Variants in CLU observed in about 807,000 individuals in gnomAD.
CLU encodes clusterin.
Under a neutral mutation model 46.4 loss-of-function variants are expected in CLU, and 25 were observed. That is an observed-to-expected ratio of 0.54 (90% CI 0.39 to 0.75). The LOEUF (loss-of-function observed/expected upper bound fraction) is 0.75. Ranked by LOEUF, CLU falls within the 30% of genes least tolerant of loss-of-function variation. The pLI is 0.00. For missense variants in CLU, 504 were observed against 592.1 expected (o/e 0.85, Z 1.54); for synonymous variants, 235 against 235.1 (o/e 1.00, Z 0.00).
intron 3 of CLU, 21 bp from the exon 4 acceptor site, chr8:27,606,545 G>A: frequency 1.2e-6 from 2 of 1,613,894 alleles, no homozygotes; most frequent in South Asian, 2.2e-5. Context: ...ACACAAGGCT[G>A]GCTGAGCCAC....
At chr8:27,605,378 G>T (rs1402785945) in intron 4 of CLU, 43 bp from the exon 5 acceptor site, 1 of 1,609,820 alleles carries the variant, frequency 6.2e-7, no homozygotes, top group Non-Finnish European at 8.5e-7. Context: ...AGCTCACCAA[G>T]GCCACGGCCT....
intron 6 of CLU, 66 bp from the exon 7 acceptor site, chr8:27,600,075 T>G: frequency 8.0e-7 from 1 of 1,248,382 alleles, no homozygotes; most frequent in South Asian, 1.2e-5. Flanking sequence ...GATAGAACCA[T>G]GAATGAATGG....
intron 1 of CLU, 86 bp from the exon 2 acceptor site, chr8:27,610,686 G>A (rs1473482294): frequency 1.0e-6 from 1 of 975,188 alleles, no homozygotes; most frequent in Non-Finnish European, 1.6e-6. Flanking sequence ...GCTCCCCAGG[G>A]CCTCACTGCC....
intron 2 of CLU, among the ~76,000 whole-genome samples, chr8:27,610,195 A>T (rs564240573): frequency 3.3e-5 from 5 of 152,284 alleles, no homozygotes; most frequent in South Asian, 2.1e-4. Flanking sequence ...GAGCTGGGCT[A>T]AGGGGCCTGG....
Position 27,610,482 on chromosome 8 carries a change from C to T in CLU, c.90G>A (p.Glu30=). The T allele has an allele frequency of 1.9e-6, 3 of 1,613,710 alleles. No homozygotes were observed. The highest frequency in any genetic ancestry group is 2.5e-6 in the Non-Finnish European group (3 of 1,179,584). ...CATGCTTGGTCTACTCACCCTGGAGCTCATTGTCTGAGACCGTCTGGTCCC... is the reference window on the plus strand; with the variant it reads ...CATGCTTGGTCTACTCACCCTGGAGTTCATTGTCTGAGACCGTCTGGTCCC... ...VLGDQTVSDN[E]LQEMSNQGSK... The change falls in exon 2 of 9, where the codon GAG becomes GAA. Residue 30 remains glutamate (E), a synonymous_variant. Transcript: ENST00000316403.
chr8:27,608,845 C>A, intron 3 of CLU, 93 bp downstream of exon 3: 2 of 1,407,806 alleles, frequency 1.4e-6, no homozygotes, highest in Non-Finnish European at 2.0e-6. Flanking sequence ...CTGCGGGTCA[C>A]CATGGCAACC....
chr8:27,608,007 A>G (rs1800852674), intron 3 of CLU, among the ~76,000 whole-genome samples: 1 of 152,218 alleles, frequency 6.6e-6, no homozygotes. Flanking sequence ...AGTGATAACC[A>G]CAAAAATGTG....
rs9331898 is a variant in CLU at position 27,609,061 on chromosome 8, G to A, written c.123C>T (p.Tyr41=). The A allele has an allele frequency of 5.2e-4, 838 of 1,614,014 alleles. 3 individuals are homozygous for A. In the African/African-American group the frequency reaches 9.7e-3, roughly 19 times the overall value. ...LQEMSNQGSK[Y]VNKEIQNAVN... ...CAGCATTTTGAATTTCCTTATTGACGTACTTACTTCCCTGATTGGACATTT... is the reference window on the plus strand; with the variant it reads ...CAGCATTTTGAATTTCCTTATTGACATACTTACTTCCCTGATTGGACATTT... The change falls in exon 3 of 9, where the codon TAC becomes TAT. Residue 41 remains tyrosine (Y), a synonymous_variant. Transcript: ENST00000316403.
rs1368166154 is a variant in CLU at position 27,614,691 on chromosome 8, G to A, written c.-66C>T. ...ACCCTGTGCCCGCGCGCTCCTCCTGGCGACGCCGCGTTGTGGGCACTGGGA... is the reference window on the plus strand; with the variant it reads ...ACCCTGTGCCCGCGCGCTCCTCCTGACGACGCCGCGTTGTGGGCACTGGGA... On this transcript the variant is annotated 5_prime_UTR_variant, in exon 1 of 9. Coordinates refer to ENST00000316403, the MANE Select transcript of CLU (RefSeq NM_001831.4). 1.9e-6 allele frequency: 1 copy of A among 533,256 alleles called. No individual in the cohort carries two copies. The highest frequency in any genetic ancestry group is 1.9e-5 in the Admixed American group (1 of 51,560). 33.0% of individuals were successfully genotyped at this position (533,256 alleles called of 1,614,324 possible). A position where few individuals can be genotyped will look rare whatever the true frequency, so the allele number is the denominator to read the frequency against.
At chr8:27,606,608 G>C in intron 3 of CLU, 84 bp from the exon 4 acceptor site, 1 of 1,555,588 alleles carries the variant, frequency 6.4e-7, no homozygotes, top group Non-Finnish European at 8.8e-7. Flanking sequence ...CAGGCCCTCT[G>C]CCCCAGGGCA....
intron 5 of CLU, among the ~76,000 whole-genome samples, chr8:27,604,631 C>A (rs1800782294): frequency 6.6e-6 from 1 of 152,126 alleles, no homozygotes; most frequent in Non-Finnish European, 1.5e-5. Context: ...CACCACCACA[C>A]CCGGCTAATT....
rs566482024 is a variant in CLU at position 27,599,854 on chromosome 8, C to T, written c.1090G>A (p.Glu364Lys). The T allele has an allele frequency of 4.3e-6, 7 of 1,614,136 alleles. No individual in the cohort carries two copies. The highest frequency in any genetic ancestry group is 2.2e-5 in the South Asian group (2 of 91,070). Reference protein sequence around the residue: ...NTSSLLEQLNEQFNWVSRLAN... With the variant: ...NTSSLLEQLNKQFNWVSRLAN... ...AGCCGGGACACCCAGTTAAACTGCT[C>T]GTTCAGCTGCTCCAGCAAGGAGGAG... Residue 364 changes from glutamate (E) to lysine (K), a missense_variant, in exon 7 of 9, where the codon GAG (glutamate) becomes AAG (lysine). Physicochemically the swap from Glu to Lys is moderately conservative, Grantham distance 56. Around this residue, in one of 3 missense-constraint regions of CLU, gnomAD observed 428 missense variants for 484.0 expected, o/e 0.88. Coordinates refer to ENST00000316403, the MANE Select transcript of CLU (RefSeq NM_001831.4). The surrounding 1 kb of genome is among the most constrained non-coding windows in gnomAD (Gnocchi z 4.0).
chr8:27,609,940 TTTTA>T (rs1157561017), intron 2 of CLU, among the ~76,000 whole-genome samples: 1 of 151,976 alleles, frequency 6.6e-6, no homozygotes, highest in Admixed American at 6.6e-5. Context: ...TATACACAAT[TTTTA>T]TTTGTTAATT....
Position 27,608,926 on chromosome 8 carries a change from G to T in CLU, c.246+12C>A. On this transcript the variant is annotated intron_variant, in intron 3 of 8. Coordinates refer to ENST00000316403, the MANE Select transcript of CLU (RefSeq NM_001831.4). ...TGGTCAAGGCAGGGAGGCGGTAGCGGCTCCTCCTGACCTCTTTCTTCTTCT... is the reference window on the plus strand; with the variant it reads ...TGGTCAAGGCAGGGAGGCGGTAGCGTCTCCTCCTGACCTCTTTCTTCTTCT... 1.2e-6 allele frequency: 2 copies of T among 1,614,056 alleles called. No homozygotes were observed. The highest frequency in any genetic ancestry group is 1.7e-6 in the Non-Finnish European group (2 of 1,179,932).
rs894259530 is a variant in CLU at position 27,599,643 on chromosome 8, G to A, written c.1164+137C>T. Reference sequence around the variant, plus strand: ...ATATTTTCCCTGAGTGGGTGATGAGGCTTCAAGGCAACAGGGGCGCCTAAA... The same window carrying A: ...ATATTTTCCCTGAGTGGGTGATGAGACTTCAAGGCAACAGGGGCGCCTAAA... On this transcript the variant is annotated intron_variant, in intron 7 of 8. Transcript: ENST00000316403. The surrounding 1 kb of genome is among the most constrained non-coding windows in gnomAD (Gnocchi z 4.0). 14 of 695,384 alleles carry A rather than the reference G, an allele frequency of 2.0e-5. No homozygotes were observed. The highest frequency in any genetic ancestry group is 3.3e-5 in the Non-Finnish European group (13 of 390,926). 43.1% of individuals were successfully genotyped at this position (695,384 alleles called of 1,614,324 possible).
intron 1 of CLU, chr8:27,613,891 A>T (rs1010999399): frequency 1.3e-5 from 2 of 152,290 alleles, no homozygotes; most frequent in South Asian, 2.1e-4. Flanking sequence ...ATAATAATAA[A>T]AATCATATTT....
chr8:27,610,794 G>A, intron 1 of CLU, 194 bp from the exon 2 acceptor site: 1 of 575,404 alleles, frequency 1.7e-6, no homozygotes, highest in Non-Finnish European at 3.1e-6. Flanking sequence ...TGAAAGCGAA[G>A]GCAGGAGGTG....
intron 6 of CLU, among the ~76,000 whole-genome samples, chr8:27,603,641 G>A (rs369171503): frequency 5.8e-4 from 88 of 152,298 alleles, no homozygotes; most frequent in African/African-American, 1.9e-3. Context: ...CCAACCAACC[G>A]ACCAAAGGGA....
intron 5 of CLU, among the ~76,000 whole-genome samples, 174 bp downstream of exon 5, chr8:27,604,750 A>G (rs958999771): frequency 6.6e-6 from 1 of 152,236 alleles, no homozygotes; most frequent in African/African-American, 2.4e-5. Flanking sequence ...AAGTGCTGGC[A>G]TCACAGGCAT....
Sources: allele counts gnomAD v4.1 joint callset (sites outside exome capture counted in the v4.1 genomes callset), GRCh38; gene constraint gnomAD v4.1.1; regional missense constraint gnomAD v4.1.1; non-coding constraint Gnocchi (gnomAD v3.1); transcripts MANE v1.5; gene names NCBI Gene and HGNC (gene_info 2026-07-23, HGNC 2026-07-21).